The following PPARG variants were observed in gnomAD, a reference collection of about 807,000 sequenced individuals.
PPARG encodes the protein peroxisome proliferator-activated receptor gamma.
A neutral mutation model predicts 39.2 loss-of-function variants in PPARG; 17 were observed. That is an observed-to-expected ratio of 0.43 (90% CI 0.30 to 0.65). The LOEUF (loss-of-function observed/expected upper bound fraction) is 0.65, where lower values mean the gene tolerates loss of function less well. Ranked by LOEUF, PPARG falls within the 30% of genes least tolerant of loss-of-function variation. PPARG has a pLI of 0.13. For missense variants in PPARG, 406 were observed against 585.9 expected (o/e 0.69, Z 3.17); for synonymous variants, 223 against 215.7 (o/e 1.03, Z -0.30).
chr3:12,310,808 A>C (rs796904014), intron 1 of PPARG, among the ~76,000 whole-genome samples: 4,247 of 140,552 alleles, frequency 0.03, 135 homozygotes, highest in East Asian at 0.18. Flanking sequence ...AAAAAAAAAA[A>C]AAAAAAAAAA....
intron 2 of PPARG, among the ~76,000 whole-genome samples, chr3:12,334,239 T>C (rs2047946315): frequency 2.0e-5 from 3 of 151,528 alleles, no homozygotes; most frequent in African/African-American, 7.3e-5. Context: ...TTTTCTTTTT[T>C]TTTTTCTTTG....
intron 6 of PPARG, among the ~76,000 whole-genome samples, chr3:12,412,907 G>A (rs1323188083): frequency 6.6e-6 from 1 of 152,246 alleles, no homozygotes. Flanking sequence ...ACGGTCTGAA[G>A]ATAAATACAC....
At chr3:12,398,660 G>A (rs758156671) in intron 5 of PPARG, among the ~76,000 whole-genome samples, 5 of 152,164 alleles carry the variant, frequency 3.3e-5, no homozygotes, top group African/African-American at 4.8e-5. Context: ...CTGGCAGAAT[G>A]TTAGAGGACC....
chr3:12,422,047 A>G (rs1007719148), intron 7 of PPARG, among the ~76,000 whole-genome samples: 4 of 152,194 alleles, frequency 2.6e-5, no homozygotes, highest in Non-Finnish European at 4.4e-5. Flanking sequence ...CAGGTCAGTA[A>G]CCTGGGGTCC....
intron 2 of PPARG, among the ~76,000 whole-genome samples, chr3:12,356,760 T>G (rs1416098901): frequency 6.6e-6 from 1 of 152,226 alleles, no homozygotes; most frequent in Non-Finnish European, 1.5e-5. Context: ...ATATTTTACC[T>G]TATTTCTCAC....
chr3:12,294,275 G>A (rs1293443047), intron 1 of PPARG, among the ~76,000 whole-genome samples: 2 of 152,128 alleles, frequency 1.3e-5, no homozygotes, highest in African/African-American at 2.4e-5. Context: ...AAGACAAGTC[G>A]CAGATCTTCC....
chr3:12,372,389 G>C (rs1170473955), intron 2 of PPARG, among the ~76,000 whole-genome samples: 2 of 152,142 alleles, frequency 1.3e-5, no homozygotes, highest in African/African-American at 4.8e-5. Context: ...TAGTTACTGC[G>C]TACTTTTAGG....
intron 2 of PPARG, among the ~76,000 whole-genome samples, chr3:12,363,183 G>A (rs1483585766): frequency 6.6e-6 from 1 of 152,162 alleles, no homozygotes; most frequent in East Asian, 1.9e-4. Context: ...GCCTCCCAAA[G>A]TGCTGGGATT....
chr3:12,410,037 T>C (rs1007066680), intron 6 of PPARG, among the ~76,000 whole-genome samples: 3 of 152,182 alleles, frequency 2.0e-5, no homozygotes, highest in African/African-American at 7.2e-5. Flanking sequence ...TTTGCCTAAA[T>C]AAGAGTATGC....
chr3:12,351,792 C>G, intron 2 of PPARG: 1 of 795,620 alleles, frequency 1.3e-6, no homozygotes, highest in South Asian at 1.4e-5. Context: ...TGTGTACACT[C>G]CAGTATTTTA....
At chr3:12,408,353 A>C (rs1301611042) in intron 6 of PPARG, among the ~76,000 whole-genome samples, 1 of 152,194 alleles carries the variant, frequency 6.6e-6, no homozygotes, top group Non-Finnish European at 1.5e-5. Flanking sequence ...CATGCACAGG[A>C]CTGCACAACA....
intron 5 of PPARG, among the ~76,000 whole-genome samples, chr3:12,394,562 G>GTGTT (rs1457756920): frequency 6.6e-6 from 1 of 152,122 alleles, no homozygotes; most frequent in Non-Finnish European, 1.5e-5. Flanking sequence ...TTGATAGGGA[G>GTGTT]TGTTTGTTCA....
At chr3:12,348,055 A>T (rs1467606455) in intron 2 of PPARG, among the ~76,000 whole-genome samples, 1 of 152,238 alleles carries the variant, frequency 6.6e-6, no homozygotes, top group Non-Finnish European at 1.5e-5. Context: ...AAGCAATTTT[A>T]AAAATTCATA....
chr3:12,338,842 A>G (rs530057696), intron 2 of PPARG, among the ~76,000 whole-genome samples: 3 of 152,350 alleles, frequency 2.0e-5, no homozygotes, highest in South Asian at 2.1e-4. Flanking sequence ...TTAGACAACT[A>G]AAGTTGTGAT....
At chr3:12,334,772 A>T (rs2047963256) in intron 2 of PPARG, among the ~76,000 whole-genome samples, 1 of 152,162 alleles carries the variant, frequency 6.6e-6, no homozygotes, top group South Asian at 2.1e-4. Flanking sequence ...TCCAGTAGAC[A>T]CTTTATGTAC....
chr3:12,297,277 G>T (rs924616927), intron 1 of PPARG, among the ~76,000 whole-genome samples: 1 of 152,180 alleles, frequency 6.6e-6, no homozygotes, highest in African/African-American at 2.4e-5. Flanking sequence ...TAAAAAATGT[G>T]TGTGAACTAT....
intron 2 of PPARG, among the ~76,000 whole-genome samples, chr3:12,324,615 A>G (rs1439368454): frequency 2.0e-5 from 3 of 152,182 alleles, no homozygotes; most frequent in East Asian, 3.9e-4. Context: ...ACCATTCTAT[A>G]ATACTGTGCT....
At chr3:12,290,955 A>G (rs2046634284) in intron 1 of PPARG, among the ~76,000 whole-genome samples, 1 of 152,180 alleles carries the variant, frequency 6.6e-6, no homozygotes, top group South Asian at 2.1e-4. Context: ...TAGCATCTAT[A>G]TATTCCCAAT....
chr3:12,414,746 G>GA (rs2051000434), intron 6 of PPARG, among the ~76,000 whole-genome samples: 2 of 152,084 alleles, frequency 1.3e-5, no homozygotes, highest in Admixed American at 1.3e-4. Context: ...AAATGTTTAA[G>GA]AAATACGGTA....
Sources: gnomAD v4.1 joint callset for allele counts (sites outside exome capture counted in the v4.1 genomes callset) on GRCh38, gnomAD v4.1.1 for gene constraint, MANE v1.5 for transcripts, NCBI Gene and HGNC (gene_info 2026-07-23, HGNC 2026-07-21) for gene names.